AKAP3: variants seen among roughly 807,000 people sequenced by gnomAD.
AKAP3 encodes A-kinase anchoring protein 3, also known as A-kinase anchor protein 3.
Under a neutral mutation model 57.2 loss-of-function variants are expected in AKAP3, and 27 were observed. The observed-to-expected ratio is 0.47, with a 90% CI of 0.35 to 0.65. AKAP3 has a LOEUF of 0.65. Among genes scored for constraint, AKAP3 ranks in the 30% least tolerant of loss-of-function variants. The pLI, the probability that AKAP3 is intolerant of heterozygous loss-of-function variation, is 0.01. For missense variants in AKAP3, 959 were observed against 1,040.0 expected (o/e 0.92, Z 1.07); for synonymous variants, 334 against 392.3 (o/e 0.85, Z 1.76).
At chr12:4,639,632 T>G (rs1279189971) in intron 3 of AKAP3, among the ~76,000 whole-genome samples, 1 of 147,606 alleles carries the variant, frequency 6.8e-6, no homozygotes, top group East Asian at 2.0e-4. Context: ...TGTGTCTAAG[T>G]GTTCTCATTG....
rs7960207 is a variant in AKAP3, at chr12:4,628,152, A to G, written c.750T>C (p.Asn250=). The G allele has an allele frequency of 0.94, 1,517,968 of 1,613,988 alleles. 717,890 individuals carry two copies. Among genetic ancestry groups the G allele is most frequent in the Non-Finnish European group, 0.97 (1,142,885 of 1,180,006 alleles). The change falls in exon 5 of 6, where the codon AAT becomes AAC. Residue 250 remains asparagine, a synonymous_variant. Transcript: ENST00000228850. ...TTCCACCCTCTCTGGCATAATCTCC[A>G]TTACGAGATTCAAACACTTCCTTAT... ...FFYKEVFESR[N]GDYAREGGRF...
intron 4 of AKAP3, among the ~76,000 whole-genome samples, chr12:4,629,118 CA>C (rs1184750618): frequency 6.6e-6 from 1 of 152,140 alleles, no homozygotes; most frequent in Non-Finnish European, 1.5e-5. Flanking sequence ...TACAGCTAAC[CA>C]TTGATGGAGC....
intron 5 of AKAP3, 75 bp from the exon 6 acceptor site, chr12:4,615,969 G>A: frequency 1.9e-6 from 3 of 1,563,798 alleles, no homozygotes; most frequent in Non-Finnish European, 8.7e-7. Context: ...GCCAAGGCTG[G>A]AGCAGAGAGG....
At position 4,628,480 on chromosome 12, in the gene AKAP3, T is replaced by C; in HGVS notation, c.422A>G (p.Lys141Arg). ...GCCATCGATCTTCTCATTGATCTCTTTGCGGGCCATGGCTATGACTAGATT... is the reference window on the plus strand; with the variant it reads ...GCCATCGATCTTCTCATTGATCTCTCTGCGGGCCATGGCTATGACTAGATT... ...LTNLVIAMAR[K>R]EINEKIDGSE... Residue 141 changes from lysine (K) to arginine (R), a missense_variant, in exon 5 of 6, where the codon AAA (lysine) becomes AGA (arginine). Lys to Arg is a conservative substitution (Grantham distance 26). Coordinates refer to ENST00000228850, the MANE Select transcript of AKAP3 (RefSeq NM_001278309.2). 6.2e-7 allele frequency: 1 copy of C among 1,614,222 alleles called. No homozygotes were observed. Among genetic ancestry groups the C allele is most frequent in the African/African-American group, 1.3e-5 (1 of 75,052 alleles).
chr12:4,637,685 T>G (rs1050113543), intron 4 of AKAP3, among the ~76,000 whole-genome samples: 7 of 152,172 alleles, frequency 4.6e-5, no homozygotes, highest in African/African-American at 1.7e-4. Context: ...GTTACTTAGA[T>G]GAGAGTTTAT....
intron 1 of AKAP3, chr12:4,645,521 G>A (rs1945688255): frequency 6.6e-6 from 1 of 152,054 alleles, no homozygotes. Flanking sequence ...CCATAATATA[G>A]AATCAGTGGG....
intron 4 of AKAP3, chr12:4,635,449 AT>A: frequency 4.1e-6 from 3 of 727,996 alleles, no homozygotes; most frequent in Admixed American, 2.2e-5. Context: ...TTCTTTGGCA[AT>A]TTTTTAGCTA....
chr12:4,639,853 T>G (rs1444680344), intron 3 of AKAP3, among the ~76,000 whole-genome samples: 11 of 148,196 alleles, frequency 7.4e-5, no homozygotes, highest in African/African-American at 2.7e-4. Context: ...GTCTCGCTCT[T>G]TCGCCCAGGC....
At chr12:4,637,717 TC>T (rs1424244494) in intron 4 of AKAP3, among the ~76,000 whole-genome samples, 2 of 152,146 alleles carry the variant, frequency 1.3e-5, no homozygotes, top group African/African-American at 2.4e-5. Context: ...TTTTAAGGCA[TC>T]CTACACTTTA....
In AKAP3 at chr12:4,627,881, G is replaced by A; in HGVS notation, c.1021C>T (p.Leu341Phe). 1 of 1,614,148 alleles carries A rather than the reference G, an allele frequency of 6.2e-7. No individual in the cohort carries two copies. The highest frequency in any genetic ancestry group is 1.3e-5 in the African/African-American group (1 of 75,054). ...ATGAGGGTCCCTGTGACGCTGTGGAGATTCCTCAAGAAGGAGTCGATGAGA... is the reference window on the plus strand; with the variant it reads ...ATGAGGGTCCCTGTGACGCTGTGGAAATTCCTCAAGAAGGAGTCGATGAGA... The part of the protein sequence containing the change: ...SDLIDSFLRN[L>F]HSVTGTLMTD... Residue 341 changes from leucine to phenylalanine, a missense_variant, in exon 5 of 6, where the codon CTC becomes TTC. By Grantham distance (22) the Leu-to-Phe change is conservative. Transcript: ENST00000228850.
At chr12:4,636,255 C>A (rs1474355179) in intron 4 of AKAP3, 1 of 421,484 alleles carries the variant, frequency 2.4e-6, no homozygotes, top group Non-Finnish European at 4.3e-6. Context: ...GGTAAAGAAA[C>A]CTCAGACGCG....
At chr12:4,616,452 C>T (rs1424859235) in intron 5 of AKAP3, among the ~76,000 whole-genome samples, 2 of 152,160 alleles carry the variant, frequency 1.3e-5, no homozygotes, top group Non-Finnish European at 2.9e-5. Flanking sequence ...AAATACAACG[C>T]TGTCATTTAT....
chr12:4,645,690 G>A (rs992681200), intron 1 of AKAP3: 29 of 152,170 alleles, frequency 1.9e-4, no homozygotes, highest in African/African-American at 6.8e-4. Flanking sequence ...GATCTGACAG[G>A]AGGTGGAGCT....
At chr12:4,648,520 G>A (rs1945726400) in intron 1 of AKAP3, 1 of 152,302 alleles carries the variant, frequency 6.6e-6, no homozygotes, top group African/African-American at 2.4e-5. Context: ...TTGAGCTGGT[G>A]CAGACACCTG....
At position 4,629,257 on chromosome 12, in the gene AKAP3, A is replaced by G. The variant is rs201571935; in HGVS notation, c.97-452T>C. ...AGGATAATGACTTCCAGCTCCATCC[A>G]TGTCCCTGTAAAGGACGTGATATCA... On this transcript the variant is annotated intron_variant, in intron 4 of 5. Transcript: ENST00000228850. Among the ~76,000 whole-genome samples the G allele has an allele frequency of 1.6e-4, 25 of 152,366 alleles. No homozygotes were observed. In the East Asian group the frequency reaches 4.4e-3, roughly 27 times the overall value.
chr12:4,645,831 C>G (rs547290111), intron 1 of AKAP3: 1 of 151,878 alleles, frequency 6.6e-6, no homozygotes, highest in African/African-American at 2.4e-5. Context: ...TGGGGGAATA[C>G]GGGAAGGGGA....
chr12:4,633,260 C>CA (rs1270347068), intron 4 of AKAP3, among the ~76,000 whole-genome samples: 6 of 150,948 alleles, frequency 4.0e-5, no homozygotes, highest in African/African-American at 9.7e-5. Flanking sequence ...TCCATCTCTA[C>CA]AAAAAATATA....
chr12:4,648,384 T>G (rs1355551121), intron 1 of AKAP3: 1 of 152,210 alleles, frequency 6.6e-6, no homozygotes, highest in Non-Finnish European at 1.5e-5. Context: ...ACTCCTAGAT[T>G]CATATGCTAG....
At chr12:4,630,143 C>T (rs576040810) in intron 4 of AKAP3, among the ~76,000 whole-genome samples, 114 of 152,268 alleles carry the variant, frequency 7.5e-4, no homozygotes, top group Non-Finnish European at 1.4e-3. Context: ...ATATTACCCA[C>T]CTTTAAAGAA....
Sources: allele counts gnomAD v4.1 joint callset (sites outside exome capture counted in the v4.1 genomes callset), GRCh38; gene constraint gnomAD v4.1.1; transcripts MANE v1.5; gene names NCBI Gene and HGNC (gene_info 2026-07-23, HGNC 2026-07-21).